NAV3: variants seen among roughly 807,000 people sequenced by gnomAD.
NAV3 encodes the protein neuron navigator 3.
A neutral mutation model predicts 244.7 loss-of-function variants in NAV3; 87 were observed. That is an observed-to-expected ratio of 0.36 (90% CI 0.30 to 0.42). NAV3 has a LOEUF of 0.42. NAV3 is among the 20% of genes least tolerant of loss of function. The pLI is 1.00. For missense variants in NAV3, 2,663 were observed against 2,893.3 expected (o/e 0.92, Z 1.83); for synonymous variants, 1,126 against 1,042.2 (o/e 1.08, Z -1.55).
At chr12:77,954,179 T>C (rs1891153221) in intron 3 of NAV3, among the ~76,000 whole-genome samples, 1 of 152,296 alleles carries the variant, frequency 6.6e-6, no homozygotes, top group Non-Finnish European at 1.5e-5. Flanking sequence ...ACTTATGAAA[T>C]GTGTGGAACA....
intron 8 of NAV3, among the ~76,000 whole-genome samples, chr12:78,010,525 A>T (rs1252427280): frequency 1.3e-5 from 2 of 152,144 alleles, no homozygotes; most frequent in African/African-American, 4.8e-5. Flanking sequence ...AGAAGCAGAG[A>T]TATTAAGTCA....
chr12:77,883,752 A>G (rs575990466), intron 1 of NAV3, among the ~76,000 whole-genome samples: 1 of 152,174 alleles, frequency 6.6e-6, no homozygotes, highest in South Asian at 2.1e-4. Context: ...TATCTTGAAG[A>G]TGGTCTTGTT....
intron 23 of NAV3, among the ~76,000 whole-genome samples, chr12:78,160,408 T>TGC (rs1565740462): frequency 7.5e-5 from 11 of 147,478 alleles, no homozygotes; most frequent in Non-Finnish European, 1.4e-4. Context: ...TGCGTGCGTG[T>TGC]GTGTGTGTGT....
At chr12:77,776,096 TAGAAGCC>T in intron 2 of NAV3, among the ~76,000 whole-genome samples, 1 of 152,318 alleles carries the variant, frequency 6.6e-6, no homozygotes, top group East Asian at 1.9e-4. Flanking sequence ...GGACCATTCA[TAGAAGCC>T]CAATTAATGT....
At chr12:77,830,618 C>T (rs533776762), upstream of NAV3, among the ~76,000 whole-genome samples, 9 of 152,238 alleles carry the variant, frequency 5.9e-5, no homozygotes, top group East Asian at 1.9e-4. Flanking sequence ...AGCTATGGTC[C>T]GATGAATGAT....
chr12:77,766,734 AGTTTTTTTTTTT>A (rs1228795992), intron 2 of NAV3, among the ~76,000 whole-genome samples: 1 of 53,430 alleles, frequency 1.9e-5, no homozygotes, highest in African/African-American at 5.1e-5. Context: ...CAGGCAATTA[AGTTTTTTTTTTT>A]TTTTTTTTTT....
At chr12:77,772,210 T>G (rs551013373) in intron 2 of NAV3, among the ~76,000 whole-genome samples, 1 of 152,262 alleles carries the variant, frequency 6.6e-6, no homozygotes, top group East Asian at 1.9e-4. Context: ...TATTCAAACT[T>G]AGACCTGGCT....
chr12:78,210,197 G>A (rs1960757911), intron 39 of NAV3, among the ~76,000 whole-genome samples: 1 of 152,124 alleles, frequency 6.6e-6, no homozygotes, highest in Non-Finnish European at 1.5e-5. Flanking sequence ...GCCCTATTTT[G>A]TCCTTATGGT....
At chr12:77,948,966 T>G (rs1890622287) in intron 3 of NAV3, among the ~76,000 whole-genome samples, 2 of 151,972 alleles carry the variant, frequency 1.3e-5, no homozygotes, top group African/African-American at 2.4e-5. Context: ...CAGATAAGTA[T>G]TTTGAAATGT....
chr12:77,936,315 C>T (rs138479222), intron 1 of NAV3, among the ~76,000 whole-genome samples: 15 of 152,138 alleles, frequency 9.9e-5, no homozygotes, highest in East Asian at 3.9e-4. Context: ...CTCTTGTAAA[C>T]GCAATCTCAG....
intron 2 of NAV3, among the ~76,000 whole-genome samples, chr12:77,792,399 G>A (rs1276256120): frequency 6.6e-6 from 1 of 152,144 alleles, no homozygotes. Flanking sequence ...CCAAATATCA[G>A]GTAGTTCTAA....
intron 2 of NAV3, among the ~76,000 whole-genome samples, chr12:77,675,980 C>T (rs1329245870): frequency 1.3e-5 from 2 of 152,144 alleles, no homozygotes; most frequent in Admixed American, 6.6e-5. Context: ...TGCATTTGGC[C>T]CTGCCTGGGA....
At chr12:78,056,934 T>G (rs1883599495) in intron 11 of NAV3, among the ~76,000 whole-genome samples, 1 of 152,198 alleles carries the variant, frequency 6.6e-6, no homozygotes, top group Non-Finnish European at 1.5e-5. Context: ...AAAGTTTCAT[T>G]TTTTTCCATG....
At chr12:78,027,650 T>C (rs1001147791) in intron 9 of NAV3, among the ~76,000 whole-genome samples, 2 of 152,156 alleles carry the variant, frequency 1.3e-5, no homozygotes, top group Non-Finnish European at 2.9e-5. Flanking sequence ...TTATTCAGCA[T>C]TCTCAGGGGA....
chr12:77,793,084 A>G (rs1433322359), intron 2 of NAV3, among the ~76,000 whole-genome samples: 1 of 152,216 alleles, frequency 6.6e-6, no homozygotes, highest in Non-Finnish European at 1.5e-5. Context: ...ACAGCAAATA[A>G]AAATACATAC....
intron 1 of NAV3, among the ~76,000 whole-genome samples, chr12:77,909,394 T>C (rs2137025202): frequency 6.6e-6 from 1 of 151,644 alleles, no homozygotes. Flanking sequence ...TGAATACTGA[T>C]AGGAAGAAGA....
chr12:78,050,034 A>T lies in NAV3; in HGVS notation c.2065A>T (p.Ile689Leu). The T allele has an allele frequency of 6.2e-7, 1 of 1,613,404 alleles. No homozygotes were observed. Among genetic ancestry groups the T allele is most frequent in the Non-Finnish European group, 8.5e-7 (1 of 1,179,770 alleles). ...ETRRMRTVKN[I>L]ADLRQNLEET... ...AAGAAGAATGAGAACAGTTAAAAAC[A>T]TAGCAGACTTGAGGCAGAATTTAGA... The change falls in exon 10 of 40, where the codon ATA becomes TTA. Residue 689 changes from isoleucine to leucine, a missense_variant. By Grantham distance (5) the Ile-to-Leu change is conservative. This residue lies in a region of NAV3 where 1,521 missense variants were observed against 1,497.0 expected (regional missense o/e 1.02). Coordinates refer to ENST00000397909, the MANE Select transcript of NAV3 (RefSeq NM_001024383.2).
chr12:77,983,145 G>A (rs1168870644), intron 5 of NAV3, among the ~76,000 whole-genome samples: 1 of 152,204 alleles, frequency 6.6e-6, no homozygotes, highest in East Asian at 1.9e-4. Context: ...TTTGCTAAAT[G>A]TAAAGTAAAA....
At chr12:77,790,501 G>C (rs899908962) in intron 2 of NAV3, among the ~76,000 whole-genome samples, 4 of 152,130 alleles carry the variant, frequency 2.6e-5, no homozygotes, top group Non-Finnish European at 5.9e-5. Context: ...TGTTTCCTCT[G>C]ATCTCCAGGA....
Sources: gnomAD v4.1 joint callset for allele counts (sites outside exome capture counted in the v4.1 genomes callset) on GRCh38, gnomAD v4.1.1 for gene constraint, gnomAD v4.1.1 regional missense constraint, MANE v1.5 for transcripts, NCBI Gene and HGNC (gene_info 2026-07-23, HGNC 2026-07-21) for gene names.